Variants in CCL28 observed in about 807,000 individuals in gnomAD.
CCL28 encodes C-C motif chemokine 28.
A neutral mutation model predicts 7.1 loss-of-function variants in CCL28; 4 were observed. The observed-to-expected ratio is 0.56, with a 90% CI of 0.28 to 1.29. The LOEUF (loss-of-function observed/expected upper bound fraction) is 1.29, where lower values mean the gene tolerates loss of function less well. CCL28 is among the 50% of genes most tolerant of loss of function. The pLI, the probability that CCL28 is intolerant of heterozygous loss-of-function variation, is 0.11. For synonymous variants in CCL28, 55 were observed against 57.8 expected (o/e 0.95, Z 0.22); for missense variants, 151 against 163.4 (o/e 0.92, Z 0.41).
At chr5:43,389,542 C>T (rs2111765557) in intron 1 of CCL28, among the ~76,000 whole-genome samples, 1 of 152,284 alleles carries the variant, frequency 6.6e-6, no homozygotes, top group South Asian at 2.1e-4. Context: ...TAATAGGAAA[C>T]ATACTTTCAG....
the CCL28 span, among the ~76,000 whole-genome samples, chr5:43,371,251 T>C: frequency 2.0e-5 from 3 of 152,184 alleles, no homozygotes; most frequent in Non-Finnish European, 4.4e-5. Context: ...GTAACCATTA[T>C]CTTAACCAAC....
At chr5:43,373,053 G>A (rs1013704896), downstream of CCL28, among the ~76,000 whole-genome samples, 1 of 151,820 alleles carries the variant, frequency 6.6e-6, no homozygotes, top group Non-Finnish European at 1.5e-5. Flanking sequence ...CACCCACCTC[G>A]GCCTCCCAAA....
the CCL28 span, among the ~76,000 whole-genome samples, chr5:43,361,909 A>ACC: frequency 6.7e-6 from 1 of 150,004 alleles, no homozygotes; most frequent in Non-Finnish European, 1.5e-5. Flanking sequence ...GCCGTGTAGT[A>ACC]TAGTTCAAAG....
downstream of CCL28, chr5:43,377,491 CAAAAAAAAA>C (rs541924162): frequency 8.8e-5 from 9 of 102,044 alleles, no homozygotes; most frequent in Non-Finnish European, 1.7e-4. Context: ...GACTCTGTAT[CAAAAAAAAA>C]AAAAAAAAGA....
At chr5:43,360,821 C>CT in the CCL28 span, among the ~76,000 whole-genome samples, 1 of 151,876 alleles carries the variant, frequency 6.6e-6, no homozygotes, top group African/African-American at 2.4e-5. Flanking sequence ...GATATGAGAC[C>CT]TTTTTTTCTT....
downstream of CCL28, among the ~76,000 whole-genome samples, chr5:43,375,745 A>C (rs1167485898): frequency 1.3e-5 from 2 of 152,204 alleles, no homozygotes; most frequent in Admixed American, 6.5e-5. Context: ...TAATCCCAGC[A>C]CTTTGGGAGG....
intron 1 of CCL28, among the ~76,000 whole-genome samples, chr5:43,398,024 C>T (rs1234582214): frequency 6.6e-6 from 1 of 152,102 alleles, no homozygotes; most frequent in African/African-American, 2.4e-5. Context: ...CTAGTACCGA[C>T]ATGTTTCTTT....
chr5:43,387,546 G>GTGA (rs1740388380), intron 2 of CCL28, among the ~76,000 whole-genome samples: 2 of 152,212 alleles, frequency 1.3e-5, no homozygotes, highest in Non-Finnish European at 2.9e-5. Context: ...TGATTGGATT[G>GTGA]CATATAGCAC....
chr5:43,386,779 T>C (rs1204023596), intron 2 of CCL28, among the ~76,000 whole-genome samples: 1 of 152,160 alleles, frequency 6.6e-6, no homozygotes, highest in Non-Finnish European at 1.5e-5. Flanking sequence ...TTCCTCAAAA[T>C]TGAATAATGG....
downstream of CCL28, among the ~76,000 whole-genome samples, chr5:43,371,971 G>A (rs1018861781): frequency 2.0e-5 from 3 of 152,218 alleles, no homozygotes; most frequent in African/African-American, 7.2e-5. Flanking sequence ...GGAGGGCAAA[G>A]GGGAGCCAGT....
At chr5:43,365,001 A>G in the CCL28 span, among the ~76,000 whole-genome samples, 1 of 114,850 alleles carries the variant, frequency 8.7e-6, no homozygotes, top group Non-Finnish European at 1.7e-5. Context: ...ATGGGTCTTG[A>G]CTCTTTTTTT....
chr5:43,374,058 C>T (rs551000716), downstream of CCL28, among the ~76,000 whole-genome samples: 1 of 152,236 alleles, frequency 6.6e-6, no homozygotes, highest in Non-Finnish European at 1.5e-5. Flanking sequence ...GTAGCCTTCT[C>T]ATTTTTCAGT....
intron 2 of CCL28, among the ~76,000 whole-genome samples, chr5:43,384,507 C>T (rs574600323): frequency 2.4e-4 from 36 of 152,298 alleles, no homozygotes; most frequent in African/African-American, 8.7e-4. Flanking sequence ...ATGTTGGAAA[C>T]GGGGCTGGCC....
intron 1 of CCL28, among the ~76,000 whole-genome samples, chr5:43,392,189 T>C (rs1057252342): frequency 1.2e-4 from 18 of 152,222 alleles, no homozygotes; most frequent in Non-Finnish European, 2.4e-4. Context: ...CGATCTCGGC[T>C]CATTGCAACC....
intron 1 of CCL28, among the ~76,000 whole-genome samples, chr5:43,389,902 G>A (rs1740502982): frequency 6.6e-6 from 1 of 152,168 alleles, no homozygotes; most frequent in Admixed American, 6.5e-5. Context: ...ATGTAAACTG[G>A]GTAGTTCCGA....
At chr5:43,407,380 T>C (rs971304969) in intron 1 of CCL28, among the ~76,000 whole-genome samples, 5 of 152,052 alleles carry the variant, frequency 3.3e-5, no homozygotes, top group Non-Finnish European at 7.4e-5. Context: ...CTGACAAAAA[T>C]AAGAAATGGG....
the CCL28 span, among the ~76,000 whole-genome samples, chr5:43,359,148 C>T: frequency 6.6e-6 from 1 of 152,138 alleles, no homozygotes; most frequent in African/African-American, 2.4e-5. Flanking sequence ...GAGACAAGCT[C>T]GGTTGTGGAG....
intron 1 of CCL28, among the ~76,000 whole-genome samples, chr5:43,401,022 G>A (rs111439024): frequency 5.3e-5 from 8 of 151,366 alleles, no homozygotes; most frequent in African/African-American, 1.9e-4. Context: ...GGCAGAGGTT[G>A]CAGTGAGCAG....
At chr5:43,401,155 A>G (rs915579871) in intron 1 of CCL28, among the ~76,000 whole-genome samples, 10 of 152,168 alleles carry the variant, frequency 6.6e-5, no homozygotes, top group African/African-American at 1.2e-4. Flanking sequence ...ACATCTCTCC[A>G]TTCTTGTGGA....
Sources: allele counts gnomAD v4.1 joint callset (sites outside exome capture counted in the v4.1 genomes callset), GRCh38; gene constraint gnomAD v4.1.1; transcripts MANE v1.5; gene names NCBI Gene and HGNC (gene_info 2026-07-23, HGNC 2026-07-21).